The following MED13L variants were observed in gnomAD, a reference collection of about 807,000 sequenced individuals.
MED13L encodes mediator complex subunit 13L.
In MED13L, 7 loss-of-function variants were observed where a neutral mutation model predicts 220.9. The ratio of observed to expected loss-of-function variants is 0.03; its 90% CI spans 0.02 to 0.06. The LOEUF is 0.06. Among genes scored for constraint, MED13L ranks in the 10% least tolerant of loss-of-function variants. The probability of loss-of-function intolerance (pLI) is 1.00; values close to 1 mark genes in which losing one functional copy is unlikely to be tolerated. For synonymous variants in MED13L, 1,011 were observed against 1,015.2 expected, an observed-to-expected ratio of 1.00 and a Z score of 0.08; for missense variants, 1,965 against 2,760.5, an observed-to-expected ratio of 0.71 and a Z score of 6.46.
chr12:116,271,878 T>A (rs992919800), intron 1 of MED13L, among the ~76,000 whole-genome samples: 2 of 152,084 alleles, frequency 1.3e-5, no homozygotes, highest in Admixed American at 6.5e-5. Flanking sequence ...TCCTGTGAAA[T>A]AAATGTATCA....
At chr12:115,997,378 C>T in intron 14 of MED13L, 148 bp from the exon 15 acceptor site, 1 of 676,236 alleles carries the variant, frequency 1.5e-6, no homozygotes, top group Non-Finnish European at 2.5e-6. Context: ...ATGGAAGTGA[C>T]TAAGAAGAAG....
intron 1 of MED13L, among the ~76,000 whole-genome samples, chr12:116,253,744 G>GTTTT (rs1278727900): frequency 2.8e-5 from 3 of 108,684 alleles, no homozygotes; most frequent in Admixed American, 9.3e-5. Flanking sequence ...CACCTTCACG[G>GTTTT]TTTTTTTTGT....
chr12:116,184,529 C>A (rs2138237600), intron 2 of MED13L, among the ~76,000 whole-genome samples: 1 of 152,144 alleles, frequency 6.6e-6, no homozygotes. Context: ...TTCAAAGAAA[C>A]ATAGCTTAAG....
chr12:116,115,663 C>A (rs1874445913), intron 2 of MED13L, among the ~76,000 whole-genome samples: 1 of 149,966 alleles, frequency 6.7e-6, no homozygotes. Flanking sequence ...CAAAACTTAA[C>A]TACCAAAAAA....
intron 4 of MED13L, among the ~76,000 whole-genome samples, chr12:116,084,693 G>A (rs1871492601): frequency 1.3e-5 from 2 of 151,612 alleles, no homozygotes; most frequent in African/African-American, 4.9e-5. Context: ...GCTGAAGCAG[G>A]ACAATTGCTT....
At chr12:116,150,708 A>G (rs889687260) in intron 2 of MED13L, among the ~76,000 whole-genome samples, 1 of 152,240 alleles carries the variant, frequency 6.6e-6, no homozygotes, top group Non-Finnish European at 1.5e-5. Flanking sequence ...CTGTTTGTAC[A>G]GCTCTAAGCC....
chr12:116,263,405 T>C (rs1222542804), intron 1 of MED13L, among the ~76,000 whole-genome samples: 1 of 152,230 alleles, frequency 6.6e-6, no homozygotes, highest in Admixed American at 6.5e-5. Context: ...CCACTGCAAC[T>C]TGTAATCTAA....
Position 116,220,267 on chromosome 12 carries a change from CTATT to C in MED13L, c.310+17197_310+17200del, listed in dbSNP as rs542898333. On this transcript the variant is annotated intron_variant, in intron 2 of 30. Coordinates refer to ENST00000281928, the MANE Select transcript of MED13L (RefSeq NM_015335.5). ...CTCCATAAAATAATAATCTGAATTACTATTTAAATTAATATTTACTTCTTCTAAA... is the reference window on the plus strand; with the variant it reads ...CTCCATAAAATAATAATCTGAATTACTAAATTAATATTTACTTCTTCTAAA... Among the ~76,000 whole-genome samples, 12 of 152,294 alleles carry C rather than the reference CTATT, an allele frequency of 7.9e-5. No homozygotes were observed. The East Asian group carries it at 2.1e-3, about 27-fold the overall frequency.
At chr12:116,046,985 G>GA (rs1881877431) in intron 4 of MED13L, among the ~76,000 whole-genome samples, 1 of 151,940 alleles carries the variant, frequency 6.6e-6, no homozygotes. Context: ...AAAAAGAAAA[G>GA]AAAGAAAGAA....
At chr12:116,173,965 A>G (rs1879869890) in intron 2 of MED13L, among the ~76,000 whole-genome samples, 1 of 152,126 alleles carries the variant, frequency 6.6e-6, no homozygotes, top group Non-Finnish European at 1.5e-5. Context: ...CCAGTGTGAT[A>G]GCACTGTAGT....
chr12:116,059,001 T>C (rs953730235), intron 4 of MED13L, among the ~76,000 whole-genome samples: 1 of 152,270 alleles, frequency 6.6e-6, no homozygotes, highest in Non-Finnish European at 1.5e-5. Flanking sequence ...TTTCCATTTA[T>C]ACATTGATAT....
intron 2 of MED13L, among the ~76,000 whole-genome samples, chr12:116,199,309 T>C (rs1218184651): frequency 6.6e-6 from 1 of 152,234 alleles, no homozygotes; most frequent in Non-Finnish European, 1.5e-5. Context: ...TTTAAGAGAC[T>C]ATGTAAACCC....
chr12:116,175,248 T>C (rs1362396965), intron 2 of MED13L, among the ~76,000 whole-genome samples: 1 of 152,200 alleles, frequency 6.6e-6, no homozygotes, highest in Non-Finnish European at 1.5e-5. Flanking sequence ...ATTTGGGTCA[T>C]GACTAAATTC....
intron 4 of MED13L, among the ~76,000 whole-genome samples, chr12:116,058,372 C>A (rs983568728): frequency 4.6e-5 from 7 of 152,118 alleles, no homozygotes; most frequent in African/African-American, 1.7e-4. Context: ...TTCAAAAACT[C>A]AAAAATACTG....
intron 12 of MED13L, 132 bp from the exon 13 acceptor site, chr12:116,006,125 A>G (rs1879032221): frequency 7.2e-7 from 1 of 1,392,666 alleles, no homozygotes; most frequent in East Asian, 2.5e-5. Context: ...AAATTTAGAG[A>G]CAATTATTTC....
At chr12:116,122,034 T>G (rs905401586) in intron 2 of MED13L, among the ~76,000 whole-genome samples, 1 of 152,286 alleles carries the variant, frequency 6.6e-6, no homozygotes, top group Admixed American at 6.5e-5. Context: ...AATCCAAGGT[T>G]TATCATTTGC....
intron 1 of MED13L, among the ~76,000 whole-genome samples, chr12:116,253,613 C>T (rs565454326): frequency 1.1e-4 from 17 of 151,920 alleles, no homozygotes; most frequent in Non-Finnish European, 2.4e-4. Flanking sequence ...TAAGGTTTGT[C>T]GTGGAATTCA....
At chr12:116,237,207 C>T (rs1439918198) in intron 2 of MED13L, among the ~76,000 whole-genome samples, 1 of 152,004 alleles carries the variant, frequency 6.6e-6, no homozygotes, top group East Asian at 1.9e-4. Flanking sequence ...TCCACCCCAC[C>T]GCACCCAGGA....
At chr12:116,002,042 A>G (rs966624652) in intron 14 of MED13L, among the ~76,000 whole-genome samples, 4 of 152,240 alleles carry the variant, frequency 2.6e-5, no homozygotes, top group African/African-American at 7.2e-5. Flanking sequence ...CTATTTTAAT[A>G]CTGTTTCTTT....
Sources: allele counts gnomAD v4.1 joint callset (sites outside exome capture counted in the v4.1 genomes callset), GRCh38; gene constraint gnomAD v4.1.1; transcripts MANE v1.5; gene names NCBI Gene and HGNC (gene_info 2026-07-23, HGNC 2026-07-21).